PABPC4L: variants seen among roughly 807,000 people sequenced by gnomAD.
PABPC4L encodes the protein polyadenylate-binding protein 4-like.
For synonymous variants in PABPC4L, 169 were observed against 164.1 expected (o/e 1.03, Z -0.23); for missense variants, 452 against 451.4 (o/e 1.00, Z -0.01).
At chr4:134,038,762 C>CA in the PABPC4L span, among the ~76,000 whole-genome samples, 4 of 151,996 alleles carry the variant, frequency 2.6e-5, no homozygotes, top group African/African-American at 9.6e-5. Flanking sequence ...TTGATCTTTT[C>CA]AAAAAACCAG....
chr4:134,135,081 A>T, the PABPC4L span, among the ~76,000 whole-genome samples: 1 of 152,240 alleles, frequency 6.6e-6, no homozygotes, highest in African/African-American at 2.4e-5. Flanking sequence ...CAAAAAGGGA[A>T]TTTGCCCTAC....
chr4:134,081,649 T>C, the PABPC4L span, among the ~76,000 whole-genome samples: 2 of 151,994 alleles, frequency 1.3e-5, no homozygotes, highest in Non-Finnish European at 2.9e-5. Flanking sequence ...TAGCCAACGG[T>C]ACTGGAAGAC....
At chr4:133,962,031 GA>G in the PABPC4L span, among the ~76,000 whole-genome samples, 2 of 152,128 alleles carry the variant, frequency 1.3e-5, no homozygotes, top group African/African-American at 4.8e-5. Flanking sequence ...GGAGCAATAA[GA>G]AAAAGGACCC....
At chr4:134,050,492 G>A in the PABPC4L span, among the ~76,000 whole-genome samples, 1 of 151,992 alleles carries the variant, frequency 6.6e-6, no homozygotes, top group Admixed American at 6.6e-5. Flanking sequence ...ATCACCTGAG[G>A]TGAGGAGTTC....
chr4:134,092,794 C>T, the PABPC4L span, among the ~76,000 whole-genome samples: 2 of 152,060 alleles, frequency 1.3e-5, no homozygotes, highest in African/African-American at 2.4e-5. Flanking sequence ...CTCCCACCAT[C>T]GCAAGTCCCA....
At chr4:134,089,429 A>T in the PABPC4L span, among the ~76,000 whole-genome samples, 1 of 152,092 alleles carries the variant, frequency 6.6e-6, no homozygotes, top group South Asian at 2.1e-4. Flanking sequence ...AGTTTACATT[A>T]GGATTTACTA....
At chr4:134,112,411 T>C in the PABPC4L span, among the ~76,000 whole-genome samples, 2 of 151,902 alleles carry the variant, frequency 1.3e-5, no homozygotes, top group Non-Finnish European at 2.9e-5. Context: ...CATATGTCAA[T>C]ATACTCTAGT....
the PABPC4L span, among the ~76,000 whole-genome samples, chr4:133,994,496 G>A: frequency 4.4e-4 from 67 of 152,194 alleles, 1 homozygote; most frequent in East Asian, 8.1e-3. Flanking sequence ...TAGGGGATGC[G>A]TGCTTTGCTT....
the PABPC4L span, among the ~76,000 whole-genome samples, chr4:134,164,989 C>T: frequency 6.6e-6 from 1 of 151,982 alleles, no homozygotes; most frequent in Non-Finnish European, 1.5e-5. Flanking sequence ...TACTTATAAC[C>T]AACTGATCTT....
the PABPC4L span, among the ~76,000 whole-genome samples, chr4:134,114,203 C>T: frequency 2.0e-5 from 3 of 151,682 alleles, no homozygotes; most frequent in Non-Finnish European, 4.4e-5. Context: ...AAGTTGGAGT[C>T]ACTTTCAGAG....
the PABPC4L span, among the ~76,000 whole-genome samples, chr4:134,082,559 T>G: frequency 6.6e-5 from 10 of 152,126 alleles, no homozygotes; most frequent in Non-Finnish European, 1.3e-4. Context: ...TTTAAAATTT[T>G]TATAATTGAA....
At chr4:134,007,834 C>G in the PABPC4L span, among the ~76,000 whole-genome samples, 1 of 151,562 alleles carries the variant, frequency 6.6e-6, no homozygotes, top group African/African-American at 2.4e-5. Context: ...TAGAATAATA[C>G]AAATATTTTA....
the PABPC4L span, among the ~76,000 whole-genome samples, chr4:134,013,650 G>A: frequency 3.3e-5 from 5 of 152,130 alleles, no homozygotes; most frequent in African/African-American, 2.4e-5. Flanking sequence ...ACGGTCTGAG[G>A]TGCCTGATGT....
At chr4:134,180,293 G>T in the PABPC4L span, among the ~76,000 whole-genome samples, 1 of 151,554 alleles carries the variant, frequency 6.6e-6, no homozygotes, top group Non-Finnish European at 1.5e-5. Context: ...ATGACTTTTG[G>T]GTAAATAATG....
At chr4:134,183,481 A>C in the PABPC4L span, among the ~76,000 whole-genome samples, 2 of 150,334 alleles carry the variant, frequency 1.3e-5, no homozygotes, top group Admixed American at 1.3e-4. Flanking sequence ...GAGGAGGAAG[A>C]GGGTAAAAAA....
chr4:134,045,678 C>T, the PABPC4L span, among the ~76,000 whole-genome samples: 2 of 152,078 alleles, frequency 1.3e-5, no homozygotes, highest in South Asian at 2.1e-4. Context: ...TTTGTGAGAG[C>T]CCATGATCCT....
the PABPC4L span, among the ~76,000 whole-genome samples, chr4:134,177,865 C>T: frequency 6.6e-6 from 1 of 152,016 alleles, no homozygotes. Context: ...GAGTGCAGGG[C>T]TCATGACCCC....
the PABPC4L span, among the ~76,000 whole-genome samples, chr4:134,124,426 A>G: frequency 6.6e-6 from 1 of 152,208 alleles, no homozygotes; most frequent in East Asian, 1.9e-4. Context: ...GTACCAATTA[A>G]ATTTCTTATA....
chr4:134,183,965 G>A, the PABPC4L span, among the ~76,000 whole-genome samples: 6 of 151,468 alleles, frequency 4.0e-5, no homozygotes, highest in Non-Finnish European at 5.9e-5. Context: ...GATTGAGTGC[G>A]ATTGTAGAAC....
Sources: allele counts gnomAD v4.1 joint callset (sites outside exome capture counted in the v4.1 genomes callset), GRCh38; gene constraint gnomAD v4.1.1; transcripts MANE v1.5; gene names NCBI Gene and HGNC (gene_info 2026-07-23, HGNC 2026-07-21).